Variants in CCSER1 observed in about 807,000 individuals in gnomAD.
The protein encoded by CCSER1 is coiled-coil serine rich protein 1.
Under a neutral mutation model 82.0 loss-of-function variants are expected in CCSER1, and 41 were observed. The observed-to-expected ratio is 0.50, with a 90% CI of 0.39 to 0.65. The LOEUF (loss-of-function observed/expected upper bound fraction) is 0.65, where lower values mean the gene tolerates loss of function less well. Among genes scored for constraint, CCSER1 ranks in the 30% least tolerant of loss-of-function variants. The pLI, the probability that CCSER1 is intolerant of heterozygous loss-of-function variation, is 0.00. For missense variants in CCSER1, 1,119 were observed against 1,064.2 expected, an observed-to-expected ratio of 1.05 and a Z score of -0.72; for synonymous variants, 414 against 383.9, an observed-to-expected ratio of 1.08 and a Z score of -0.92.
chr4:91,214,508 T>A (rs999404927), intron 10 of CCSER1, among the ~76,000 whole-genome samples: 1 of 152,196 alleles, frequency 6.6e-6, no homozygotes, highest in South Asian at 2.1e-4. Flanking sequence ...TACTTAAAAT[T>A]CTTTTATTTC....
chr4:90,286,252 G>A (rs189616206), intron 1 of CCSER1, among the ~76,000 whole-genome samples: 3 of 151,942 alleles, frequency 2.0e-5, no homozygotes, highest in African/African-American at 7.2e-5. Context: ...TAGCAGTAAA[G>A]CTATCAGGTC....
At chr4:90,178,001 T>A (rs1242622452) in intron 1 of CCSER1, among the ~76,000 whole-genome samples, 1 of 152,090 alleles carries the variant, frequency 6.6e-6, no homozygotes. Context: ...AACCAGAAAG[T>A]ATATTGGAAA....
intron 10 of CCSER1, among the ~76,000 whole-genome samples, chr4:91,529,982 A>C (rs566444673): frequency 1.2e-4 from 18 of 152,212 alleles, no homozygotes; most frequent in Middle Eastern, 3.4e-3. Context: ...AACTATATCC[A>C]TATGTGCTGA....
chr4:90,828,868 G>A (rs1760801151), intron 8 of CCSER1, among the ~76,000 whole-genome samples: 1 of 152,088 alleles, frequency 6.6e-6, no homozygotes, highest in Non-Finnish European at 1.5e-5. Context: ...AGAGAATAAA[G>A]CAAGACAATG....
intron 10 of CCSER1, among the ~76,000 whole-genome samples, chr4:91,176,111 G>T (rs1458237214): frequency 7.2e-5 from 11 of 152,180 alleles, no homozygotes; most frequent in Admixed American, 3.9e-4. Context: ...TTTTTGACAG[G>T]TTTGTCACAG....
intron 10 of CCSER1, among the ~76,000 whole-genome samples, chr4:91,286,761 T>C (rs1385151941): frequency 2.6e-5 from 4 of 151,868 alleles, no homozygotes; most frequent in Non-Finnish European, 5.9e-5. Context: ...TAATAAACCA[T>C]AAATATGTGT....
intron 10 of CCSER1, among the ~76,000 whole-genome samples, chr4:91,567,271 T>G (rs1762936058): frequency 6.6e-6 from 1 of 152,136 alleles, no homozygotes; most frequent in Non-Finnish European, 1.5e-5. Flanking sequence ...ACATTTCTTT[T>G]ACATTTGTTG....
chr4:90,415,372 C>G (rs547640450), intron 4 of CCSER1, among the ~76,000 whole-genome samples: 3 of 152,078 alleles, frequency 2.0e-5, no homozygotes, highest in Non-Finnish European at 4.4e-5. Context: ...TTATAAGGAA[C>G]GTACTTAATT....
chr4:90,564,013 A>G (rs1195179894), intron 5 of CCSER1, among the ~76,000 whole-genome samples: 1 of 151,954 alleles, frequency 6.6e-6, no homozygotes, highest in Non-Finnish European at 1.5e-5. Flanking sequence ...TGTGGTTTTG[A>G]TTTGCCTTTC....
At chr4:90,244,731 A>G (rs1721116990) in intron 1 of CCSER1, among the ~76,000 whole-genome samples, 1 of 152,212 alleles carries the variant, frequency 6.6e-6, no homozygotes, top group Non-Finnish European at 1.5e-5. Flanking sequence ...AACCGCCCCC[A>G]TAATCCAGTC....
chr4:90,686,204 A>G (rs1293851331), intron 6 of CCSER1, among the ~76,000 whole-genome samples: 1 of 152,132 alleles, frequency 6.6e-6, no homozygotes, highest in Admixed American at 6.6e-5. Context: ...CACAGGCCTC[A>G]GAGCTTCATC....
chr4:91,211,147 C>T (rs4693269), intron 10 of CCSER1, among the ~76,000 whole-genome samples: 103,461 of 151,778 alleles, frequency 0.68, 36,230 homozygotes, highest in East Asian at 0.93. Flanking sequence ...ACAAGGTACT[C>T]GGAGTGAAGA....
At position 91,118,204 on chromosome 4, in the gene CCSER1, A is replaced by G. The variant is rs189829981; in HGVS notation, c.2217+32210A>G. 9.3e-4 allele frequency among the ~76,000 whole-genome samples: 142 copies of G among 152,110 alleles called. 1 individual carries two copies. The highest frequency in any genetic ancestry group is 1.8e-3 in the Non-Finnish European group (121 of 67,978). On this transcript the variant is annotated intron_variant, in intron 10 of 10. Coordinates refer to ENST00000509176, the MANE Select transcript of CCSER1 (RefSeq NM_001145065.2). Reference sequence around the variant, plus strand: ...AACAGAAGTACAACTTTGAGAAAATATTAAATAATAATCTAACTCTTTTTC... The same window carrying G: ...AACAGAAGTACAACTTTGAGAAAATGTTAAATAATAATCTAACTCTTTTTC...
At chr4:90,559,149 A>G (rs1009848380) in intron 5 of CCSER1, among the ~76,000 whole-genome samples, 3 of 152,138 alleles carry the variant, frequency 2.0e-5, no homozygotes, top group African/African-American at 4.8e-5. Context: ...TGTATATTCT[A>G]TTTCTAGGCA....
At position 91,420,527 on chromosome 4, in the gene CCSER1, A is replaced by G. The variant is rs536206367; in HGVS notation, c.2218-178045A>G. On this transcript the variant is annotated intron_variant, in intron 10 of 10. Coordinates refer to ENST00000509176, the MANE Select transcript of CCSER1 (RefSeq NM_001145065.2). ...GTCTCTTAGAATGGCTTTTGTTAAA[A>G]AAACAGGAGATAACAATTGTTGGCA... 5.3e-5 allele frequency among the ~76,000 whole-genome samples: 8 copies of G among 152,232 alleles called. No homozygotes were observed. The South Asian group carries it at 1.7e-3, about 32-fold the overall frequency.
intron 10 of CCSER1, among the ~76,000 whole-genome samples, chr4:91,180,674 G>T (rs188855753): frequency 1.3e-5 from 2 of 152,270 alleles, no homozygotes; most frequent in East Asian, 3.9e-4. Context: ...CAGTATTAGG[G>T]TGTTAGTGTG....
At chr4:91,519,723 C>T (rs749315805) in intron 10 of CCSER1, among the ~76,000 whole-genome samples, 3 of 152,174 alleles carry the variant, frequency 2.0e-5, no homozygotes, top group Non-Finnish European at 2.9e-5. Flanking sequence ...GAGGGGGTGT[C>T]TCCCCTGGCT....
rs1738367632 is a variant in CCSER1 at position 91,004,907 on chromosome 4, CT to C, written c.2173-81041del. 2.0e-5 allele frequency among the ~76,000 whole-genome samples: 3 copies of C among 152,220 alleles called. No individual in the cohort carries two copies. The South Asian group carries it at 6.2e-4, about 32-fold the overall frequency. On this transcript the variant is annotated intron_variant, in intron 9 of 10. Coordinates refer to ENST00000509176, the MANE Select transcript of CCSER1 (RefSeq NM_001145065.2). ...GTTGATGAAATACAGTCATAGAGATCTTATTTCAGGTCTTGCCTCTAAGACC... is the reference window on the plus strand; with the variant it reads ...GTTGATGAAATACAGTCATAGAGATCTATTTCAGGTCTTGCCTCTAAGACC...
intron 5 of CCSER1, among the ~76,000 whole-genome samples, chr4:90,494,901 C>T (rs1424114984): frequency 5.9e-5 from 9 of 151,944 alleles, no homozygotes; most frequent in Non-Finnish European, 1.0e-4. Context: ...TTCAGCTCCT[C>T]GTACAGCTTT....
Sources: gnomAD v4.1 joint callset for allele counts (sites outside exome capture counted in the v4.1 genomes callset) on GRCh38, gnomAD v4.1.1 for gene constraint, MANE v1.5 for transcripts, NCBI Gene and HGNC (gene_info 2026-07-23, HGNC 2026-07-21) for gene names.